KHDRBS2: variants seen among roughly 807,000 people sequenced by gnomAD.
KHDRBS2 encodes KH RNA binding domain containing, signal transduction associated 2, also known as KH domain-containing, RNA-binding, signal transduction-associated protein 2.
In KHDRBS2, 26 loss-of-function variants were observed where a neutral mutation model predicts 44.3. The observed-to-expected ratio is 0.59, with a 90% CI of 0.43 to 0.81. The LOEUF is 0.81. KHDRBS2 is among the 40% of genes least tolerant of loss of function. KHDRBS2 has a pLI of 0.00. For synonymous variants in KHDRBS2, 194 were observed against 151.1 expected, an observed-to-expected ratio of 1.28 and a Z score of -2.08; for missense variants, 476 against 433.1, an observed-to-expected ratio of 1.10 and a Z score of -0.88.
intron 3 of KHDRBS2, among the ~76,000 whole-genome samples, chr6:61,989,479 G>A (rs1327161146): frequency 6.6e-6 from 1 of 152,136 alleles, no homozygotes; most frequent in African/African-American, 2.4e-5. Context: ...TTGACAAATG[G>A]TGCTGTCACA....
At chr6:61,863,495 T>C (rs570359064) in intron 6 of KHDRBS2, among the ~76,000 whole-genome samples, 31 of 152,338 alleles carry the variant, frequency 2.0e-4, no homozygotes, top group African/African-American at 7.0e-4. Context: ...TGTATCTTTG[T>C]TCTCATTAGT....
chr6:62,018,806 A>T (rs932448999), intron 3 of KHDRBS2, among the ~76,000 whole-genome samples: 1 of 152,196 alleles, frequency 6.6e-6, no homozygotes, highest in Non-Finnish European at 1.5e-5. Context: ...TGATTTTCCC[A>T]TTAAATAGTA....
the KHDRBS2 span, among the ~76,000 whole-genome samples, chr6:61,672,024 G>A: frequency 6.8e-6 from 1 of 148,110 alleles, no homozygotes; most frequent in African/African-American, 2.5e-5. Context: ...AGTCCCCAGA[G>A]TGTGATGTTC....
chr6:62,224,191 A>G (rs1011785174), intron 1 of KHDRBS2, among the ~76,000 whole-genome samples: 1 of 152,182 alleles, frequency 6.6e-6, no homozygotes, highest in African/African-American at 2.4e-5. Flanking sequence ...TGACAGCAGC[A>G]AGAGAAAATG....
intron 6 of KHDRBS2, among the ~76,000 whole-genome samples, chr6:61,769,770 A>G (rs1780567572): frequency 1.3e-5 from 2 of 152,214 alleles, no homozygotes; most frequent in Non-Finnish European, 2.9e-5. Context: ...CAGGGCACAG[A>G]CAAACAAAAA....
chr6:62,221,765 T>C (rs1399596488), intron 1 of KHDRBS2, among the ~76,000 whole-genome samples: 3 of 152,106 alleles, frequency 2.0e-5, no homozygotes, highest in Admixed American at 6.6e-5. Flanking sequence ...CTCAATACTT[T>C]GAGAAAACTA....
intron 4 of KHDRBS2, among the ~76,000 whole-genome samples, chr6:61,908,633 C>CAA (rs11290284): frequency 3.9e-4 from 43 of 110,606 alleles, no homozygotes; most frequent in East Asian, 2.6e-3. Context: ...GATTCCGTCT[C>CAA]AAAAAAAAAA....
chr6:61,972,094 A>G (rs1317362075), intron 4 of KHDRBS2, among the ~76,000 whole-genome samples: 1 of 152,134 alleles, frequency 6.6e-6, no homozygotes, highest in Non-Finnish European at 1.5e-5. Context: ...TTTCTGCTCA[A>G]TCTCCAGTAA....
chr6:61,878,779 AC>A (rs1221147643), intron 6 of KHDRBS2, among the ~76,000 whole-genome samples: 2 of 152,128 alleles, frequency 1.3e-5, no homozygotes, highest in African/African-American at 4.8e-5. Flanking sequence ...ACCTATGACC[AC>A]TGGCTCTGCC....
intron 2 of KHDRBS2, among the ~76,000 whole-genome samples, chr6:62,080,951 C>T (rs1797276616): frequency 6.6e-6 from 1 of 152,128 alleles, no homozygotes. Context: ...CTTTGTCCCT[C>T]TAGGCCTAGG....
chr6:62,277,743 TA>T (rs1313856091), intron 1 of KHDRBS2, among the ~76,000 whole-genome samples: 2 of 152,166 alleles, frequency 1.3e-5, no homozygotes, highest in African/African-American at 4.8e-5. Flanking sequence ...AAACTATAAC[TA>T]AAATATAAGG....
chr6:62,273,104 T>C (rs1840343783), intron 1 of KHDRBS2, among the ~76,000 whole-genome samples: 2 of 152,194 alleles, frequency 1.3e-5, no homozygotes, highest in Non-Finnish European at 2.9e-5. Context: ...AGCTTCAGCA[T>C]CTGTTTTCAG....
intron 6 of KHDRBS2, among the ~76,000 whole-genome samples, chr6:61,742,261 A>G (rs1776239344): frequency 6.6e-6 from 1 of 151,992 alleles, no homozygotes; most frequent in South Asian, 2.1e-4. Flanking sequence ...TCCCTGTCTT[A>G]GCTTATTTAA....
chr6:61,929,791 A>G (rs946261495), intron 4 of KHDRBS2, among the ~76,000 whole-genome samples: 8 of 152,204 alleles, frequency 5.3e-5, no homozygotes, highest in African/African-American at 1.9e-4. Context: ...TACATTTCCT[A>G]CAGATATATA....
chr6:62,157,284 G>A (rs761724303), intron 2 of KHDRBS2, among the ~76,000 whole-genome samples: 11 of 151,566 alleles, frequency 7.3e-5, no homozygotes, highest in Non-Finnish European at 1.3e-4. Flanking sequence ...CCAAGATAGC[G>A]CCACTGCACT....
chr6:61,704,682 A>T (rs1483645532), intron 7 of KHDRBS2, among the ~76,000 whole-genome samples: 1 of 151,886 alleles, frequency 6.6e-6, no homozygotes, highest in African/African-American at 2.4e-5. Flanking sequence ...ATTTTGGCTT[A>T]AACAGGTCAC....
At chr6:61,643,272 T>C in the KHDRBS2 span, among the ~76,000 whole-genome samples, 6 of 152,082 alleles carry the variant, frequency 3.9e-5, no homozygotes, top group Non-Finnish European at 7.4e-5. Flanking sequence ...AGGTTTCATG[T>C]TAAAAACTCT....
chr6:62,078,008 A>T (rs1562804433), intron 2 of KHDRBS2, among the ~76,000 whole-genome samples: 1 of 152,068 alleles, frequency 6.6e-6, no homozygotes, highest in African/African-American at 2.4e-5. Flanking sequence ...ACATTTGAAA[A>T]TGCACACGTA....
chr6:62,033,480 T>C (rs917018946), intron 3 of KHDRBS2, among the ~76,000 whole-genome samples: 3 of 151,548 alleles, frequency 2.0e-5, no homozygotes. Context: ...AAGAAACAAA[T>C]AACATACAAT....
Sources: gnomAD v4.1 joint callset for allele counts (sites outside exome capture counted in the v4.1 genomes callset) on GRCh38, gnomAD v4.1.1 for gene constraint, MANE v1.5 for transcripts, NCBI Gene and HGNC (gene_info 2026-07-23, HGNC 2026-07-21) for gene names.